The following CMIP variants were observed in gnomAD, a reference collection of about 807,000 sequenced individuals.
CMIP encodes c-Maf inducing protein, also known as C-Maf-inducing protein.
Under a neutral mutation model 97.3 loss-of-function variants are expected in CMIP, and 13 were observed. The ratio of observed to expected loss-of-function variants is 0.13; its 90% CI spans 0.09 to 0.21. CMIP has a LOEUF of 0.21. Among genes scored for constraint, CMIP ranks in the 10% least tolerant of loss-of-function variants. The probability of loss-of-function intolerance (pLI) is 1.00; values close to 1 mark genes in which losing one functional copy is unlikely to be tolerated. For missense variants in CMIP, 847 were observed against 1,024.9 expected, an observed-to-expected ratio of 0.83 and a Z score of 2.37; for synonymous variants, 538 against 436.3, an observed-to-expected ratio of 1.23 and a Z score of -2.91.
At chr16:81,550,516 A>T (rs928766386) in intron 1 of CMIP, among the ~76,000 whole-genome samples, 11 of 152,220 alleles carry the variant, frequency 7.2e-5, no homozygotes, top group African/African-American at 2.6e-4. Context: ...ACTGGGCAGG[A>T]TGGTGTTGAC....
At chr16:81,503,755 G>A (rs1376530154) in intron 1 of CMIP, among the ~76,000 whole-genome samples, 1 of 152,210 alleles carries the variant, frequency 6.6e-6, no homozygotes, top group African/African-American at 2.4e-5. Context: ...GTCTAGAAGT[G>A]AATTCTGAAT....
chr16:81,698,399 C>T (rs982308922), intron 14 of CMIP, among the ~76,000 whole-genome samples: 1 of 152,204 alleles, frequency 6.6e-6, no homozygotes, highest in Non-Finnish European at 1.5e-5. Flanking sequence ...TTCTTGGATT[C>T]CTGGGGCGCA....
At chr16:81,680,660 C>G (rs985712581) in intron 10 of CMIP, among the ~76,000 whole-genome samples, 1 of 152,246 alleles carries the variant, frequency 6.6e-6, no homozygotes, top group Non-Finnish European at 1.5e-5. Context: ...GAGAGCCACT[C>G]CAAGAATACG....
rs907258878 is a variant in CMIP at position 81,570,548 on chromosome 16, A to G, written c.301-37019A>G. ...TTGAAGAAGCCGAGGTGGAAACGCC[A>G]GGGAGCCCCACCCTACCCCTGTGGG... On this transcript the variant is annotated intron_variant, in intron 1 of 20. Transcript: ENST00000537098. 2.6e-5 allele frequency among the ~76,000 whole-genome samples: 4 copies of G among 152,158 alleles called. No individual in the cohort carries two copies. The East Asian group carries it at 5.8e-4, about 22-fold the overall frequency.
intron 7 of CMIP, chr16:81,664,699 A>T: frequency 2.1e-6 from 1 of 473,086 alleles, no homozygotes; most frequent in East Asian, 3.3e-5. Flanking sequence ...TGTGCTGCGC[A>T]CAGCGAGGTC....
chr16:81,448,876 C>T (rs369485296), intron 1 of CMIP, among the ~76,000 whole-genome samples: 18 of 152,250 alleles, frequency 1.2e-4, no homozygotes, highest in African/African-American at 4.3e-4. Context: ...GTGCCCCATT[C>T]CCTCTTTGTA....
chr16:81,527,494 A>G (rs2090155265), intron 1 of CMIP, among the ~76,000 whole-genome samples: 2 of 152,190 alleles, frequency 1.3e-5, no homozygotes, highest in South Asian at 4.1e-4. Flanking sequence ...GTACACAACC[A>G]AATGAACAGC....
intron 3 of CMIP, among the ~76,000 whole-genome samples, chr16:81,632,783 G>A (rs1225847165): frequency 1.3e-5 from 2 of 152,174 alleles, no homozygotes; most frequent in African/African-American, 2.4e-5. Flanking sequence ...CTGGGTCACC[G>A]AGCCTTCCCT....
intron 1 of CMIP, among the ~76,000 whole-genome samples, chr16:81,477,601 G>T (rs1380215972): frequency 1.3e-5 from 2 of 152,234 alleles, no homozygotes; most frequent in South Asian, 2.1e-4. Context: ...CCTTGCTCCT[G>T]CATGTAAGAC....
At chr16:81,657,614 C>T (rs1441988351) in intron 4 of CMIP, among the ~76,000 whole-genome samples, 161 bp from the exon 5 acceptor site, 1 of 152,150 alleles carries the variant, frequency 6.6e-6, no homozygotes, top group Non-Finnish European at 1.5e-5. Context: ...GACCTTGCCC[C>T]TGAGGGTGTT....
intron 1 of CMIP, among the ~76,000 whole-genome samples, chr16:81,496,327 C>T (rs949379754): frequency 1.3e-5 from 2 of 152,168 alleles, no homozygotes; most frequent in African/African-American, 4.8e-5. Flanking sequence ...ACAAAACAGA[C>T]CCCCTTCATG....
At chr16:81,690,700 A>G (rs1412086810) in intron 10 of CMIP, among the ~76,000 whole-genome samples, 2 of 152,214 alleles carry the variant, frequency 1.3e-5, no homozygotes, top group African/African-American at 2.4e-5. Context: ...TGAGGCAGGC[A>G]GATCACCTGA....
intron 14 of CMIP, chr16:81,696,949 T>C (rs1413259105): frequency 6.2e-6 from 3 of 481,914 alleles, no homozygotes; most frequent in Non-Finnish European, 1.1e-5. Flanking sequence ...CCCCATTTTA[T>C]ACCCAAGGCA....
intron 1 of CMIP, among the ~76,000 whole-genome samples, chr16:81,571,469 T>C (rs1452631009): frequency 6.6e-6 from 1 of 150,820 alleles, no homozygotes; most frequent in Non-Finnish European, 1.5e-5. Flanking sequence ...CCCTATGTCA[T>C]TTAGGAAAGA....
Position 81,709,879 on chromosome 16 carries a change from TG to T in CMIP, c.*84del. The T allele has an allele frequency of 8.4e-7, 1 of 1,186,548 alleles. No homozygotes were observed. Among genetic ancestry groups the T allele is most frequent in the Non-Finnish European group, 1.1e-6 (1 of 911,836 alleles). The allele number at this position is 1,186,548 out of a possible 1,614,324, so 73.5% of individuals were successfully genotyped here. ...CTAACAGCCGCAGAGCAGCCGGTCC[TG>T]GGGTCCCACCCTGGTGCCCTGGCTG... On this transcript the variant is annotated 3_prime_UTR_variant, in exon 21 of 21. Coordinates refer to ENST00000537098, the MANE Select transcript of CMIP (RefSeq NM_198390.3).
rs1386560863 is a variant in CMIP, at chr16:81,684,269, C to T, written c.1388+5641C>T. Among the ~76,000 whole-genome samples, 5 of 152,386 alleles carry T rather than the reference C, an allele frequency of 3.3e-5. No individual in the cohort carries two copies. In the East Asian group the frequency reaches 7.7e-4, roughly 23 times the overall value. On this transcript the variant is annotated intron_variant, in intron 10 of 20. Transcript: ENST00000537098. ...ACTGTTTCTCAGCCTGGGTTCAAAT[C>T]CCCGAGCTAGCTGGTTTGCCTTTCA...
At chr16:81,495,862 A>T (rs976542792) in intron 1 of CMIP, among the ~76,000 whole-genome samples, 36 of 152,008 alleles carry the variant, frequency 2.4e-4, no homozygotes, top group Non-Finnish European at 2.9e-4. Flanking sequence ...CATTCCCCCA[A>T]CTAGACAGGA....
chr16:81,593,745 C>T (rs931392110), intron 1 of CMIP, among the ~76,000 whole-genome samples: 2 of 152,182 alleles, frequency 1.3e-5, no homozygotes, highest in Non-Finnish European at 2.9e-5. Context: ...GTAGCCTCTC[C>T]CATCTGCTTT....
At chr16:81,532,448 C>T (rs1315000442) in intron 1 of CMIP, among the ~76,000 whole-genome samples, 2 of 152,196 alleles carry the variant, frequency 1.3e-5, no homozygotes, top group African/African-American at 4.8e-5. Flanking sequence ...TTGAGCCCAA[C>T]AGATAAATCC....
Sources: gnomAD v4.1 joint callset for allele counts (sites outside exome capture counted in the v4.1 genomes callset) on GRCh38, gnomAD v4.1.1 for gene constraint, MANE v1.5 for transcripts, NCBI Gene and HGNC (gene_info 2026-07-23, HGNC 2026-07-21) for gene names.